Variants in PDE4D observed in about 807,000 individuals in gnomAD.
PDE4D encodes the protein 3',5'-cyclic-AMP phosphodiesterase 4D.
Under a neutral mutation model 87.4 loss-of-function variants are expected in PDE4D, and 24 were observed. The ratio of observed to expected loss-of-function variants is 0.27; its 90% CI spans 0.20 to 0.39. The LOEUF is 0.39. PDE4D is among the 10% of genes least tolerant of loss of function. The pLI is 1.00. For synonymous variants in PDE4D, 384 were observed against 383.2 expected, an observed-to-expected ratio of 1.00 and a Z score of -0.02; for missense variants, 714 against 1,041.0, an observed-to-expected ratio of 0.69 and a Z score of 4.32.
chr5:59,521,149 G>C (rs542748475), intron 1 of PDE4D, among the ~76,000 whole-genome samples: 4 of 151,978 alleles, frequency 2.6e-5, no homozygotes, highest in African/African-American at 9.6e-5. Context: ...TAAAACTAAT[G>C]GAAAACTGAG....
At chr5:60,320,077 G>A (rs1756080024) in intron 1 of PDE4D, among the ~76,000 whole-genome samples, 10 of 152,228 alleles carry the variant, frequency 6.6e-5, no homozygotes, top group Admixed American at 6.5e-4. Context: ...CCTGCCCCCA[G>A]AGGTGTAGTC....
chr5:59,126,875 A>G (rs1291579526), intron 5 of PDE4D, among the ~76,000 whole-genome samples: 1 of 152,172 alleles, frequency 6.6e-6, no homozygotes, highest in East Asian at 1.9e-4. Context: ...GTTCTACTCT[A>G]TGTTGTTTTC....
At chr5:59,751,197 A>C (rs1760407448) in intron 1 of PDE4D, among the ~76,000 whole-genome samples, 1 of 152,178 alleles carries the variant, frequency 6.6e-6, no homozygotes. Flanking sequence ...ATGTGTTCTA[A>C]GAATTGTATA....
At chr5:60,267,108 G>C (rs992005310) in intron 1 of PDE4D, among the ~76,000 whole-genome samples, 2 of 152,144 alleles carry the variant, frequency 1.3e-5, no homozygotes, top group African/African-American at 4.8e-5. Flanking sequence ...AATACATATA[G>C]AATAAGGACG....
intron 1 of PDE4D, among the ~76,000 whole-genome samples, chr5:59,538,576 C>A (rs1322920999): frequency 6.6e-6 from 1 of 152,170 alleles, no homozygotes; most frequent in Non-Finnish European, 1.5e-5. Context: ...TCTCCCCTTG[C>A]TGCTGGTCCA....
chr5:59,689,405 G>T (rs901184891), intron 1 of PDE4D, among the ~76,000 whole-genome samples: 6 of 152,134 alleles, frequency 3.9e-5, no homozygotes, highest in South Asian at 2.1e-4. Flanking sequence ...GGGATGCAAG[G>T]CTGGTTCAAC....
chr5:59,871,447 C>A (rs889671853), intron 1 of PDE4D, among the ~76,000 whole-genome samples: 1 of 152,156 alleles, frequency 6.6e-6, no homozygotes, highest in Admixed American at 6.6e-5. Flanking sequence ...AGTGCAGTCT[C>A]CTGACCCATG....
At chr5:60,440,413 T>C (rs1427714074) in intron 1 of PDE4D, among the ~76,000 whole-genome samples, 1 of 152,134 alleles carries the variant, frequency 6.6e-6, no homozygotes, top group Admixed American at 6.6e-5. Context: ...TCTTCGTGTG[T>C]AATTAAACTA....
At chr5:60,127,769 T>C (rs1051974992) in intron 2 of PDE4D, 18 of 522,938 alleles carry the variant, frequency 3.4e-5, no homozygotes, top group Non-Finnish European at 5.1e-5. Flanking sequence ...GAAAAAGCGG[T>C]AGGATATACA....
chr5:60,015,087 C>T (rs1765382530), intron 2 of PDE4D, among the ~76,000 whole-genome samples: 1 of 152,188 alleles, frequency 6.6e-6, no homozygotes, highest in Admixed American at 6.5e-5. Flanking sequence ...ATCCCTGTCT[C>T]ATCAATGTAT....
chr5:60,127,688 G>C, intron 2 of PDE4D: 1 of 579,406 alleles, frequency 1.7e-6, no homozygotes, highest in Admixed American at 2.9e-5. Context: ...CAGGCTGTGA[G>C]GGGAAAACAG....
intron 1 of PDE4D, among the ~76,000 whole-genome samples, chr5:60,294,130 G>A (rs1753166921): frequency 6.6e-6 from 1 of 152,106 alleles, no homozygotes; most frequent in African/African-American, 2.4e-5. Flanking sequence ...CTTTCTAGTG[G>A]ATGTGTGGTG....
chr5:60,102,620 T>C (rs1776345993), intron 2 of PDE4D, among the ~76,000 whole-genome samples: 1 of 152,136 alleles, frequency 6.6e-6, no homozygotes, highest in South Asian at 2.1e-4. Flanking sequence ...ATAGTAACAT[T>C]ATTCACACTG....
At chr5:59,204,735 T>C (rs1464185024) in intron 2 of PDE4D, among the ~76,000 whole-genome samples, 2 of 152,210 alleles carry the variant, frequency 1.3e-5, no homozygotes, top group Admixed American at 1.3e-4. Context: ...GAACGGGATC[T>C]TCTTTCACAG....
At chr5:59,431,809 G>T (rs1424890597) in intron 1 of PDE4D, among the ~76,000 whole-genome samples, 1 of 151,916 alleles carries the variant, frequency 6.6e-6, no homozygotes, top group Non-Finnish European at 1.5e-5. Flanking sequence ...AGACCCCAGG[G>T]TCTGTGTCCT....
At chr5:59,152,622 C>T (rs1297768003) in intron 5 of PDE4D, among the ~76,000 whole-genome samples, 1 of 152,096 alleles carries the variant, frequency 6.6e-6, no homozygotes, top group Non-Finnish European at 1.5e-5. Context: ...TGTTTATTTG[C>T]CCTACCTCTT....
At chr5:59,151,805 A>C (rs1450467569) in intron 5 of PDE4D, among the ~76,000 whole-genome samples, 1 of 152,166 alleles carries the variant, frequency 6.6e-6, no homozygotes, top group Non-Finnish European at 1.5e-5. Flanking sequence ...TGAAGGAAGA[A>C]TGATATAATT....
intron 1 of PDE4D, among the ~76,000 whole-genome samples, chr5:59,270,380 T>C (rs1437853211): frequency 6.6e-6 from 1 of 152,124 alleles, no homozygotes; most frequent in African/African-American, 2.4e-5. Context: ...TCAAAGCTGA[T>C]CTTAGATGTC....
chr5:59,599,229 G>C (rs868345397), intron 1 of PDE4D, among the ~76,000 whole-genome samples: 4 of 108,654 alleles, frequency 3.7e-5, no homozygotes, highest in East Asian at 2.9e-4. Flanking sequence ...GCTGTTTTTT[G>C]CTTTTTCTTT....
Sources: allele counts gnomAD v4.1 joint callset (sites outside exome capture counted in the v4.1 genomes callset), GRCh38; gene constraint gnomAD v4.1.1; transcripts MANE v1.5; gene names NCBI Gene and HGNC (gene_info 2026-07-23, HGNC 2026-07-21).